PRDM15: variants seen among roughly 807,000 people sequenced by gnomAD.
PRDM15 encodes PR domain zinc finger protein 15.
A neutral mutation model predicts 128.6 loss-of-function variants in PRDM15; 64 were observed. The observed-to-expected ratio is 0.50, with a 90% confidence interval of 0.41 to 0.61. The LOEUF is 0.61. Among genes scored for constraint, PRDM15 ranks in the 20% least tolerant of loss-of-function variants. The pLI is 0.00. For synonymous variants in PRDM15, 615 were observed against 621.8 expected (o/e 0.99, Z 0.16); for missense variants, 1,242 against 1,569.1 (o/e 0.79, Z 3.52).
chr21:41,803,928 C>G (rs1208498410), intron 22 of PRDM15, among the ~76,000 whole-genome samples: 1 of 149,542 alleles, frequency 6.7e-6, no homozygotes, highest in Non-Finnish European at 1.5e-5. Context: ...TATGTTTAAA[C>G]TTATTTTGCT....
chr21:41,821,967 T>G lies in PRDM15; in HGVS notation c.1832A>C (p.Asn611Thr), dbSNP rs569854976. ...TGCGCTCTCGTCAGAATTGTCATCG[T>G]TTTCTTCCGAGGAGATCCCGATCTT... ...IGKIGISSEE[N>T]DDNSDESADS... Residue 611 changes from asparagine to threonine, a missense_variant, in exon 15 of 24, where the codon AAC (asparagine) becomes ACC (threonine). Transcript: ENST00000398548. The surrounding 1 kb of genome is among the most constrained non-coding windows in gnomAD (Gnocchi z 5.4). 40 of 1,614,208 alleles carry G rather than the reference T, an allele frequency of 2.5e-5. No individual in the cohort carries two copies. In the Admixed American group the frequency reaches 3.5e-4, roughly 14 times the overall value.
chr21:41,866,809 G>A (rs1893586), intron 1 of PRDM15, among the ~76,000 whole-genome samples: 60,869 of 151,896 alleles, frequency 0.4, 12,350 homozygotes, highest in African/African-American at 0.46. Flanking sequence ...CAGAGGGTGC[G>A]ACCGGGGCCT....
In PRDM15 at chr21:41,821,051, C is replaced by T; in HGVS notation, c.2060+16G>A. On this transcript the variant is annotated intron_variant, in intron 16 of 23. Transcript: ENST00000398548. This position sits in a 1 kb window ranked among gnomAD's most constrained non-coding sequence, Gnocchi z 5.4. ...TCTCTCCTGACACAACCCGGGAGCCCCCGACCAGGCCTCACTTCTGCACGT... is the reference window on the plus strand; with the variant it reads ...TCTCTCCTGACACAACCCGGGAGCCTCCGACCAGGCCTCACTTCTGCACGT... 1 of 1,614,118 alleles carries T rather than the reference C, an allele frequency of 6.2e-7. No individual in the cohort carries two copies. Among genetic ancestry groups the T allele is most frequent in the Non-Finnish European group, 8.5e-7 (1 of 1,179,996 alleles).
intron 5 of PRDM15, among the ~76,000 whole-genome samples, chr21:41,851,579 G>A (rs9978931): frequency 0.51 from 77,477 of 152,026 alleles, 20,640 homozygotes; most frequent in Admixed American, 0.63. Flanking sequence ...GCGCTGACGC[G>A]GCTGCAGAGG....
chr21:41,816,937 A>AC (rs2062075105), intron 18 of PRDM15, among the ~76,000 whole-genome samples: 10 of 151,332 alleles, frequency 6.6e-5, no homozygotes, highest in Middle Eastern at 7.0e-3. Context: ...ACACGCCCAG[A>AC]CCCCAGCACT....
At chr21:41,820,292 T>C in intron 16 of PRDM15, 118 bp from the exon 17 acceptor site, 1 of 734,146 alleles carries the variant, frequency 1.4e-6, no homozygotes, top group South Asian at 1.6e-5. Context: ...ACGGGGATGA[T>C]AAAAGAAGCA....
chr21:41,811,515 G>A lies in PRDM15; in HGVS notation c.2393-679C>T, dbSNP rs1246153502. On this transcript the variant is annotated intron_variant, in intron 19 of 23. Coordinates refer to ENST00000398548, the MANE Select transcript of PRDM15 (RefSeq NM_001040424.3). The surrounding 1 kb of genome is among the most constrained non-coding windows in gnomAD (Gnocchi z 4.1). ...AATAAAATAACCAGCCGGGCATGATGGTGTGTGCCTGTAGTCCCAGCTACT... is the reference window on the plus strand; with the variant it reads ...AATAAAATAACCAGCCGGGCATGATAGTGTGTGCCTGTAGTCCCAGCTACT... 6.6e-6 allele frequency: 1 copy of A among 152,530 alleles called. No homozygotes were observed. The highest frequency in any genetic ancestry group is 1.5e-5 in the Non-Finnish European group (1 of 68,438). The allele number at this position is 152,530 out of a possible 1,614,324, so 9.4% of individuals were successfully genotyped here. A position where few individuals can be genotyped will look rare whatever the true frequency, so the allele number is the denominator to read the frequency against.
Position 41,821,818 on chromosome 21 carries a change from G to C in PRDM15, c.1896+85C>G. On this transcript the variant is annotated intron_variant, in intron 15 of 23. Coordinates refer to ENST00000398548, the MANE Select transcript of PRDM15 (RefSeq NM_001040424.3). The surrounding 1 kb of genome is among the most constrained non-coding windows in gnomAD (Gnocchi z 5.4). ...AGGGCTGCTTCCGAGATGCATGAAG[G>C]TGCCTGCTGTGTGGGGCCCACAGCC... 1 of 1,532,968 alleles carries C rather than the reference G, an allele frequency of 6.5e-7. No individual in the cohort carries two copies. Among genetic ancestry groups the C allele is most frequent in the Non-Finnish European group, 8.9e-7 (1 of 1,118,382 alleles). 95.0% of individuals were successfully genotyped at this position (1,532,968 alleles called of 1,614,324 possible). A position where few individuals can be genotyped will look rare whatever the true frequency, so the allele number is the denominator to read the frequency against.
At chr21:41,878,669 G>T in intron 1 of PRDM15, 1 of 1,477,832 alleles carries the variant, frequency 6.8e-7, no homozygotes, top group Non-Finnish European at 9.1e-7. Context: ...AAAATAAGGC[G>T]CAGGGGGTCT....
chr21:41,865,629 C>T (rs951104025), intron 1 of PRDM15, among the ~76,000 whole-genome samples: 1 of 152,218 alleles, frequency 6.6e-6, no homozygotes, highest in Non-Finnish European at 1.5e-5. Context: ...TGACACCTTG[C>T]TCCCTTCAAT....
intron 4 of PRDM15, among the ~76,000 whole-genome samples, chr21:41,856,760 C>T (rs2145877160): frequency 6.6e-6 from 1 of 152,338 alleles, no homozygotes; most frequent in Non-Finnish European, 1.5e-5. Context: ...TGTCTCATCA[C>T]TGCCTAAACA....
Position 41,801,646 on chromosome 21 carries a change from G to T in PRDM15, c.3020C>A (p.Pro1007His). ...SVGLTNITVT[P>H]ITTAAATQFT... is the part of the protein sequence containing the mutation. Reference sequence around the variant, plus strand: ...CTGAGTCGCGGCCGCAGTGGTGATGGGGGTCACGGTGATGTTGGTTAAGCC... The same window carrying T: ...CTGAGTCGCGGCCGCAGTGGTGATGTGGGTCACGGTGATGTTGGTTAAGCC... Residue 1007 changes from proline (P) to histidine (H), a missense_variant, in exon 24 of 24, where the codon CCC becomes CAC. By Grantham distance (77) the Pro-to-His change is moderately conservative (BLOSUM62 -2). Transcript: ENST00000398548. 4 of 1,614,172 alleles carry T rather than the reference G, an allele frequency of 2.5e-6. No homozygotes were observed. The highest frequency in any genetic ancestry group is 1.1e-5 in the South Asian group (1 of 91,078).
At position 41,810,422 on chromosome 21, in the gene PRDM15, C is replaced by T. The variant is rs1039105465; in HGVS notation, c.2477-93G>A. 1.7e-5 allele frequency: 24 copies of T among 1,432,078 alleles called. No homozygotes were observed. In the Admixed American group the frequency reaches 2.0e-4, roughly 12 times the overall value. 88.7% of individuals were successfully genotyped at this position (1,432,078 alleles called of 1,614,324 possible). On this transcript the variant is annotated intron_variant, in intron 20 of 23. Coordinates refer to ENST00000398548, the MANE Select transcript of PRDM15 (RefSeq NM_001040424.3). The surrounding 1 kb of genome is among the most constrained non-coding windows in gnomAD (Gnocchi z 6.4). The stretch of plus-strand genomic sequence containing the variant: ...ATCCCAATGACCCTGGCCTGCTGGA[C>T]GAGGCAAGAAGCCTGTCACGCCCCG...
intron 1 of PRDM15, among the ~76,000 whole-genome samples, chr21:41,867,607 A>C (rs988710872): frequency 6.6e-6 from 1 of 151,964 alleles, no homozygotes; most frequent in African/African-American, 2.4e-5. Flanking sequence ...AGCTTGAAAA[A>C]CCGTTTTGAG....
chr21:41,861,698 A>AAAGC, intron 1 of PRDM15: 1 of 1,614,180 alleles, frequency 6.2e-7, no homozygotes, highest in Non-Finnish European at 8.5e-7. Flanking sequence ...TGAAGGGTGA[A>AAAGC]AAGCAGACCG....
intron 1 of PRDM15, chr21:41,877,278 G>A (rs2064453765): frequency 6.6e-6 from 1 of 152,514 alleles, no homozygotes. Context: ...TTACCTGAGA[G>A]TTTTATGATT....
intron 19 of PRDM15, chr21:41,812,538 T>A (rs1339259695): frequency 1.3e-5 from 2 of 151,898 alleles, no homozygotes; most frequent in Non-Finnish European, 2.9e-5. Context: ...CTTGAGAGGG[T>A]GAAGACGAAA....
At position 41,801,254 on chromosome 21, in the gene PRDM15, T is replaced by TCTG. The variant is rs748507496; in HGVS notation, c.3409_3411dup (p.Gln1137dup). On this transcript the variant is annotated inframe_insertion, in exon 24 of 24. Transcript: ENST00000398548. ...CGGAACGCAGCTCAGTAGCTGTACA[T>TCTG]CTGCTGCTGCTGCTGCTCCGCCTGC... The TCTG allele has an allele frequency of 1.2e-5, 19 of 1,530,758 alleles. No homozygotes were observed. Among genetic ancestry groups the TCTG allele is most frequent in the Non-Finnish European group, 1.6e-5 (18 of 1,141,480 alleles). The allele number at this position is 1,530,758 out of a possible 1,614,324, so 94.8% of individuals were successfully genotyped here.
chr21:41,836,298 T>G, intron 9 of PRDM15, 91 bp from the exon 10 acceptor site: 1 of 1,346,708 alleles, frequency 7.4e-7, no homozygotes, highest in Non-Finnish European at 1.0e-6. Flanking sequence ...ACAAGCCGCC[T>G]CGCTCCCACC....
Sources: allele counts gnomAD v4.1 joint callset (sites outside exome capture counted in the v4.1 genomes callset), GRCh38; gene constraint gnomAD v4.1.1; non-coding constraint Gnocchi (gnomAD v3.1); transcripts MANE v1.5; gene names NCBI Gene and HGNC (gene_info 2026-07-23, HGNC 2026-07-21).